Variants in PTPRT observed in about 807,000 individuals in gnomAD.
PTPRT encodes the protein protein tyrosine phosphatase receptor type T, also known as receptor-type tyrosine-protein phosphatase T.
A neutral mutation model predicts 176.8 loss-of-function variants in PTPRT; 56 were observed. The observed-to-expected ratio is 0.32, with a 90% CI of 0.26 to 0.40. PTPRT has a LOEUF of 0.40. PTPRT is among the 10% of genes least tolerant of loss of function. The pLI, the probability that PTPRT is intolerant of heterozygous loss-of-function variation, is 1.00. For synonymous variants in PTPRT, 783 were observed against 739.0 expected (o/e 1.06, Z -0.96); for missense variants, 1,540 against 1,908.2 (o/e 0.81, Z 3.60).
chr20:42,289,991 T>C (rs1002873750), intron 12 of PTPRT, among the ~76,000 whole-genome samples: 1 of 152,082 alleles, frequency 6.6e-6, no homozygotes, highest in African/African-American at 2.4e-5. Flanking sequence ...AACAAAGCCC[T>C]AAGTCACTCT....
At chr20:42,900,316 C>T (rs1356844277) in intron 1 of PTPRT, among the ~76,000 whole-genome samples, 1 of 152,136 alleles carries the variant, frequency 6.6e-6, no homozygotes, top group Admixed American at 6.5e-5. Flanking sequence ...GCCCCTTCCT[C>T]AGTAATAAGT....
intron 27 of PTPRT, among the ~76,000 whole-genome samples, chr20:42,096,318 G>T (rs1985224744): frequency 6.6e-6 from 1 of 151,788 alleles, no homozygotes; most frequent in Non-Finnish European, 1.5e-5. Flanking sequence ...AAGAGATGGG[G>T]TCAGCCAGAT....
intron 2 of PTPRT, among the ~76,000 whole-genome samples, chr20:42,871,125 A>AT (rs2078838768): frequency 6.6e-6 from 1 of 151,344 alleles, no homozygotes; most frequent in Non-Finnish European, 1.5e-5. Context: ...TAATTTTTGT[A>AT]TTTTTTGTAG....
chr20:42,857,510 T>C (rs2078586105), intron 2 of PTPRT, among the ~76,000 whole-genome samples: 1 of 152,242 alleles, frequency 6.6e-6, no homozygotes, highest in African/African-American at 2.4e-5. Flanking sequence ...CTGTCGGCTG[T>C]CAGCTTTTCT....
chr20:43,037,419 C>A (rs1287810029), intron 1 of PTPRT, among the ~76,000 whole-genome samples: 3 of 152,190 alleles, frequency 2.0e-5, no homozygotes, highest in Admixed American at 2.0e-4. Context: ...CAGGCTACTT[C>A]TGAAAAGCCT....
At chr20:42,775,875 A>G (rs1405571719) in intron 4 of PTPRT, among the ~76,000 whole-genome samples, 1 of 152,244 alleles carries the variant, frequency 6.6e-6, no homozygotes, top group Non-Finnish European at 1.5e-5. Flanking sequence ...TTTGAATTGA[A>G]CGCATATATT....
chr20:42,316,918 A>G (rs1461338803), intron 11 of PTPRT, among the ~76,000 whole-genome samples: 1 of 152,088 alleles, frequency 6.6e-6, no homozygotes, highest in Non-Finnish European at 1.5e-5. Flanking sequence ...TCTAATCTCC[A>G]TCTGCTTTGT....
intron 2 of PTPRT, among the ~76,000 whole-genome samples, chr20:42,849,399 A>T (rs2078432029): frequency 6.6e-6 from 1 of 152,246 alleles, no homozygotes; most frequent in Admixed American, 6.5e-5. Flanking sequence ...AATTAAATCA[A>T]TTAATCCAAC....
chr20:42,450,201 A>G (rs2070803381), intron 8 of PTPRT, among the ~76,000 whole-genome samples: 1 of 152,252 alleles, frequency 6.6e-6, no homozygotes, highest in South Asian at 2.1e-4. Context: ...GCTTATAGGT[A>G]AGTATGCATG....
intron 11 of PTPRT, among the ~76,000 whole-genome samples, chr20:42,328,610 AAG>A (rs1012131044): frequency 6.6e-6 from 1 of 152,194 alleles, no homozygotes; most frequent in African/African-American, 2.4e-5. Context: ...CTCATTTTAA[AAG>A]AGTCATAAAG....
chr20:43,170,371 C>T (rs2014966923), intron 1 of PTPRT, among the ~76,000 whole-genome samples: 1 of 152,068 alleles, frequency 6.6e-6, no homozygotes, highest in Non-Finnish European at 1.5e-5. Flanking sequence ...GAGAGGTTAA[C>T]TGATTTTCCC....
chr20:43,178,064 A>G (rs1331995978), intron 1 of PTPRT, among the ~76,000 whole-genome samples: 2 of 152,238 alleles, frequency 1.3e-5, no homozygotes, highest in Non-Finnish European at 2.9e-5. Flanking sequence ...GTGTTGTAGT[A>G]TCTGGATTTG....
chr20:42,796,357 C>T (rs2077453790), intron 2 of PTPRT, among the ~76,000 whole-genome samples: 1 of 152,216 alleles, frequency 6.6e-6, no homozygotes, highest in Non-Finnish European at 1.5e-5. Flanking sequence ...ACAGAAATTT[C>T]TGTTGGATAG....
chr20:42,130,659 T>C (rs913619583), intron 18 of PTPRT, among the ~76,000 whole-genome samples: 6 of 152,138 alleles, frequency 3.9e-5, no homozygotes, highest in Admixed American at 1.3e-4. Context: ...CATTTAAGAA[T>C]CATTCACTGA....
At chr20:42,335,338 C>T (rs115620836) in intron 11 of PTPRT, among the ~76,000 whole-genome samples, 1 of 152,248 alleles carries the variant, frequency 6.6e-6, no homozygotes, top group Non-Finnish European at 1.5e-5. Context: ...AAGCACAGCA[C>T]CTCCAGTCAA....
rs6016930 is a variant in PTPRT at position 42,981,359 on chromosome 20, G to A, written c.89-95427C>T. Among the ~76,000 whole-genome samples the A allele has an allele frequency of 2.4e-3, 368 of 152,312 alleles. 1 individual carries two copies. Among genetic ancestry groups the A allele is most frequent in the African/African-American group, 8.5e-3 (355 of 41,574 alleles). On this transcript the variant is annotated intron_variant, in intron 1 of 30. Transcript: ENST00000373187. ...TGTAATCACCTGCACAGAGAAGGTG[G>A]GAGATTGTTTGCAATATCTACTTCC... is the stretch of plus-strand genomic sequence containing the variant.
At chr20:43,057,538 A>G (rs74386937) in intron 1 of PTPRT, among the ~76,000 whole-genome samples, 14,448 of 152,250 alleles carry the variant, frequency 0.095, 823 homozygotes, top group Middle Eastern at 0.15. Context: ...AGTGAAGTCC[A>G]AATAAGGTAG....
intron 7 of PTPRT, among the ~76,000 whole-genome samples, chr20:42,664,435 T>C (rs1043258391): frequency 3.9e-5 from 6 of 152,212 alleles, no homozygotes; most frequent in African/African-American, 1.4e-4. Flanking sequence ...TTGCTTGCTT[T>C]TAATGAACTG....
At chr20:42,054,665 C>T in the PTPRT span, among the ~76,000 whole-genome samples, 1 of 152,142 alleles carries the variant, frequency 6.6e-6, no homozygotes, top group Non-Finnish European at 1.5e-5. Context: ...ATCACCTCTT[C>T]CCTACCTTCC....
Sources: gnomAD v4.1 joint callset for allele counts (sites outside exome capture counted in the v4.1 genomes callset) on GRCh38, gnomAD v4.1.1 for gene constraint, MANE v1.5 for transcripts, NCBI Gene and HGNC (gene_info 2026-07-23, HGNC 2026-07-21) for gene names.